TTI2: variants seen among roughly 807,000 people sequenced by gnomAD.
TTI2 encodes the protein TELO2 interacting protein 2.
In TTI2, 26 loss-of-function variants were observed where a neutral mutation model predicts 44.9. The ratio of observed to expected loss-of-function variants is 0.58; its 90% CI spans 0.42 to 0.80. TTI2 has a LOEUF of 0.80. Ranked by LOEUF, TTI2 falls within the 30% of genes least tolerant of loss-of-function variation. The probability of loss-of-function intolerance (pLI) is 0.00; values close to 1 mark genes in which losing one functional copy is unlikely to be tolerated. For synonymous variants in TTI2, 254 were observed against 250.9 expected (o/e 1.01, Z -0.12); for missense variants, 582 against 611.6 (o/e 0.95, Z 0.51).
chr8:33,500,503 AGAAAAGCTAT>A lies in TTI2; in HGVS notation c.1260-23_1260-14del, dbSNP rs747054240. ...TCTGCAGGAAACTCTGGAATCAGGA[AGAAAAGCTAT>A]GTTCATACTCTAAATCTGGATATTA... On this transcript the variant is annotated splice_polypyrimidine_tract_variant and intron_variant, in intron 6 of 7. Transcript: ENST00000431156. 5.0e-6 allele frequency: 8 copies of A among 1,613,714 alleles called. No individual in the cohort carries two copies. Among genetic ancestry groups the A allele is most frequent in the Non-Finnish European group, 6.8e-6 (8 of 1,179,928 alleles).
At chr8:33,502,000 G>A (rs1399351459) in intron 6 of TTI2, among the ~76,000 whole-genome samples, 1 of 152,058 alleles carries the variant, frequency 6.6e-6, no homozygotes, top group African/African-American at 2.4e-5. Flanking sequence ...CTGGAGTGCA[G>A]TGGTTCCATT....
Position 33,512,617 on chromosome 8 carries a change from T to C in TTI2, c.-4A>G. On this transcript the variant is annotated 5_prime_UTR_variant, in exon 2 of 8. Transcript: ENST00000431156. ...CCAGAGCGCTGTCAAGCTCCATTCCTGACTGCAGCACCAGAAGGCTGGTCT... is the reference window on the plus strand; with the variant it reads ...CCAGAGCGCTGTCAAGCTCCATTCCCGACTGCAGCACCAGAAGGCTGGTCT... 6.2e-7 allele frequency: 1 copy of C among 1,612,450 alleles called. No individual in the cohort carries two copies. The highest frequency in any genetic ancestry group is 1.1e-5 in the South Asian group (1 of 91,068).
chr8:33,510,241 GGGA>G (rs1809479669), intron 2 of TTI2, among the ~76,000 whole-genome samples: 1 of 152,112 alleles, frequency 6.6e-6, no homozygotes, highest in Non-Finnish European at 1.5e-5. Context: ...TGAGAAGGGA[GGGA>G]GGAGTAAAGG....
intron 6 of TTI2, chr8:33,500,971 A>G (rs1809054801): frequency 6.2e-6 from 1 of 160,104 alleles, no homozygotes; most frequent in Admixed American, 6.0e-5. Context: ...TTAATTTCAG[A>G]TCCTAGCTCA....
intron 2 of TTI2, 46 bp from the exon 3 acceptor site, chr8:33,509,978 G>GAAAAA: frequency 1.9e-5 from 5 of 265,270 alleles, no homozygotes; most frequent in South Asian, 1.3e-4. Flanking sequence ...GTGATAAGTA[G>GAAAAA]CAAAAAAAAA....
Position 33,498,966 on chromosome 8 carries a change from C to A in TTI2, c.*207G>T, listed in dbSNP as rs1278485381. Reference sequence around the variant, plus strand: ...ACATTACTTGGTGTCCTTTTTTCTCCCAAACTTTATTTAGAAATGGAAGGA... The same window carrying A: ...ACATTACTTGGTGTCCTTTTTTCTCACAAACTTTATTTAGAAATGGAAGGA... On this transcript the variant is annotated 3_prime_UTR_variant, in exon 8 of 8. Transcript: ENST00000431156. 2 of 587,172 alleles carry A rather than the reference C, an allele frequency of 3.4e-6. No homozygotes were observed. The highest frequency in any genetic ancestry group is 6.0e-6 in the Non-Finnish European group (2 of 334,718). 36.4% of individuals were successfully genotyped at this position (587,172 alleles called of 1,614,324 possible).
intron 4 of TTI2, among the ~76,000 whole-genome samples, chr8:33,504,974 G>A (rs1159124913): frequency 6.6e-6 from 1 of 152,186 alleles, no homozygotes; most frequent in Non-Finnish European, 1.5e-5. Context: ...TGTAATCCTA[G>A]TATCTTGGGA....
intron 2 of TTI2, 47 bp downstream of exon 2, chr8:33,511,920 A>T: frequency 5.7e-6 from 9 of 1,585,856 alleles, no homozygotes; most frequent in Non-Finnish European, 7.8e-6. Context: ...AAATAAAAAT[A>T]AAAAACTGTG....
At chr8:33,507,181 T>C (rs1281524659) in intron 4 of TTI2, 48 bp downstream of exon 4, 1 of 1,529,750 alleles carries the variant, frequency 6.5e-7, no homozygotes, top group Non-Finnish European at 9.1e-7. Flanking sequence ...AACCTTCTAC[T>C]CAAATTCAGA....
At chr8:33,508,682 A>G (rs187976831) in intron 3 of TTI2, among the ~76,000 whole-genome samples, 372 of 149,612 alleles carry the variant, frequency 2.5e-3, no homozygotes, top group Non-Finnish European at 4.5e-3. Flanking sequence ...GCTCTCCCCT[A>G]CAGGTACATG....
intron 4 of TTI2, among the ~76,000 whole-genome samples, chr8:33,506,690 CTT>C (rs778836986): frequency 2.1e-4 from 24 of 114,312 alleles, no homozygotes; most frequent in Non-Finnish European, 2.8e-4. Flanking sequence ...CAGTGCCAGG[CTT>C]TTTTTTTTTT....
intron 3 of TTI2, among the ~76,000 whole-genome samples, chr8:33,508,669 C>T (rs962428711): frequency 3.4e-5 from 5 of 148,260 alleles, no homozygotes; most frequent in African/African-American, 1.2e-4. Context: ...GAGGTGATCT[C>T]TGGCTCTCCC....
rs140977711 is a variant in TTI2, at chr8:33,503,553, G to A, written c.1135C>T (p.Arg379Trp). Residue 379 changes from arginine (R) to tryptophan (W), a missense_variant, in exon 6 of 8, where the codon CGG becomes TGG. Physicochemically the swap from Arg to Trp is moderately radical, Grantham distance 101. Coordinates refer to ENST00000431156, the MANE Select transcript of TTI2 (RefSeq NM_001102401.4). ...ACTCTCTCCAGCCTCTTTAAGTGCC[G>A]GACAGTTAGGATCCCCAACCTAAAG... is the stretch of plus-strand genomic sequence containing the variant. ...FVNRLGILTV[R>W]HLKRLERVII... 1.4e-4 allele frequency: 228 copies of A among 1,613,944 alleles called. No individual in the cohort carries two copies. The highest frequency in any genetic ancestry group is 3.5e-4 in the South Asian group (32 of 91,064).
At chr8:33,507,359 T>A (rs1554527560) in intron 3 of TTI2, 38 bp from the exon 4 acceptor site, 5 of 1,582,356 alleles carry the variant, frequency 3.2e-6, no homozygotes, top group East Asian at 2.2e-5. Context: ...AAGAATAGTT[T>A]CCCAAGATTG....
chr8:33,512,238 T>C lies in TTI2; in HGVS notation c.376A>G (p.Lys126Glu). The change falls in exon 2 of 8, where the codon AAA becomes GAA. Residue 126 changes from lysine (K) to glutamate (E), a missense_variant. Coordinates refer to ENST00000431156, the MANE Select transcript of TTI2 (RefSeq NM_001102401.4). ...AGGGAATTCTTAGCAGTCTCAACTT[T>C]CCCTAACAGTTTAAGAAACAGTAAC... is the stretch of plus-strand genomic sequence containing the variant. ...VGLLFLKLLG[K>E]VETAKNSLVG... The C allele has an allele frequency of 6.2e-7, 1 of 1,614,178 alleles. No homozygotes were observed. Among genetic ancestry groups the C allele is most frequent in the East Asian group, 2.2e-5 (1 of 44,874 alleles).
At chr8:33,505,987 G>A (rs1809279437) in intron 4 of TTI2, among the ~76,000 whole-genome samples, 1 of 152,150 alleles carries the variant, frequency 6.6e-6, no homozygotes, top group Non-Finnish European at 1.5e-5. Context: ...GTTTCTCCAT[G>A]TTGGTCAGGT....
At chr8:33,508,984 A>G (rs563831010) in intron 3 of TTI2, among the ~76,000 whole-genome samples, 6 of 151,930 alleles carry the variant, frequency 3.9e-5, no homozygotes, top group Admixed American at 6.6e-5. Context: ...TCCACTAAAA[A>G]TACAAAAATT....
chr8:33,511,152 A>C (rs2581894), intron 2 of TTI2, among the ~76,000 whole-genome samples: 103,233 of 151,834 alleles, frequency 0.68, 35,909 homozygotes, highest in African/African-American at 0.82. Flanking sequence ...AAGCGATTCT[A>C]CTGCCTCAGC....
Position 33,512,583 on chromosome 8 carries a change from A to T in TTI2, c.31T>A (p.Ser11Thr), listed in dbSNP as rs766811182. The change falls in exon 2 of 8, where the codon TCG becomes ACG. Residue 11 changes from serine (S) to threonine (T), a missense_variant. By Grantham distance (58) the Ser-to-Thr change is moderately conservative (BLOSUM62 1). Transcript: ENST00000431156. ...TCGGACAAATTAGAGTCTTCCTGCG[A>T]TGGGGCTTCCAGAGCGCTGTCAAGC... MELDSALEAP[S>T]QEDSNLSEEL... The T allele has an allele frequency of 6.2e-7, 1 of 1,613,830 alleles. No homozygotes were observed. Among genetic ancestry groups the T allele is most frequent in the South Asian group, 1.1e-5 (1 of 91,082 alleles).
Sources: gnomAD v4.1 joint callset for allele counts (sites outside exome capture counted in the v4.1 genomes callset) on GRCh38, gnomAD v4.1.1 for gene constraint, MANE v1.5 for transcripts, NCBI Gene and HGNC (gene_info 2026-07-23, HGNC 2026-07-21) for gene names.